The following CDH12 variants were observed in gnomAD, a reference collection of about 807,000 sequenced individuals.
CDH12 encodes cadherin-12.
In CDH12, 41 loss-of-function variants were observed where a neutral mutation model predicts 74.1. The observed-to-expected ratio is 0.55, with a 90% confidence interval of 0.43 to 0.72. The LOEUF (loss-of-function observed/expected upper bound fraction) is 0.72. CDH12 is among the 30% of genes least tolerant of loss of function. CDH12 has a pLI of 0.00. For missense variants in CDH12, 945 were observed against 977.2 expected, an observed-to-expected ratio of 0.97 and a Z score of 0.44; for synonymous variants, 399 against 355.0, an observed-to-expected ratio of 1.12 and a Z score of -1.39.
At position 22,431,179 on chromosome 5, in the gene CDH12, A is replaced by G. The variant is rs77961977; in HGVS notation, c.-427-25828T>C. Among the ~76,000 whole-genome samples, 1,283 of 152,294 alleles carry G rather than the reference A, an allele frequency of 8.4e-3. 14 individuals are homozygous for G. Among genetic ancestry groups the G allele is most frequent in the African/African-American group, 0.03 (1,228 of 41,564 alleles). The stretch of plus-strand genomic sequence containing the variant: ...TTATGATTCTCAATTGACTAGCAGA[A>G]CAATGTATAGGCACACAGCAATCAA... On this transcript the variant is annotated intron_variant, in intron 2 of 14. Coordinates refer to ENST00000382254, the MANE Select transcript of CDH12 (RefSeq NM_004061.5).
intron 5 of CDH12, among the ~76,000 whole-genome samples, chr5:22,032,152 A>G (rs1237377490): frequency 6.6e-6 from 1 of 151,414 alleles, no homozygotes; most frequent in East Asian, 1.9e-4. Context: ...CATATATATG[A>G]CATGCCTGTC....
At chr5:22,415,814 T>C (rs1239876373) in intron 2 of CDH12, among the ~76,000 whole-genome samples, 9 of 152,010 alleles carry the variant, frequency 5.9e-5, no homozygotes, top group Non-Finnish European at 1.2e-4. Flanking sequence ...TCCTAAAACA[T>C]TTGGCATTGG....
chr5:22,832,354 G>A (rs1736653576), intron 1 of CDH12, among the ~76,000 whole-genome samples: 1 of 152,174 alleles, frequency 6.6e-6, no homozygotes, highest in Non-Finnish European at 1.5e-5. Context: ...ATATTGGGAG[G>A]ATGGGAGTAA....
At chr5:22,296,332 C>T (rs929984879) in intron 3 of CDH12, among the ~76,000 whole-genome samples, 1 of 151,944 alleles carries the variant, frequency 6.6e-6, no homozygotes, top group African/African-American at 2.4e-5. Flanking sequence ...AGACCTATTC[C>T]AAAACGTATT....
At chr5:22,825,620 T>C (rs1736281100) in intron 1 of CDH12, among the ~76,000 whole-genome samples, 1 of 152,138 alleles carries the variant, frequency 6.6e-6, no homozygotes, top group Non-Finnish European at 1.5e-5. Context: ...GGAAGATTAG[T>C]AGGGAACTAG....
At chr5:21,840,863 G>A (rs555968747) in intron 8 of CDH12, among the ~76,000 whole-genome samples, 1 of 152,128 alleles carries the variant, frequency 6.6e-6, no homozygotes, top group African/African-American at 2.4e-5. Flanking sequence ...AATTCAAGAT[G>A]GATTAAAGAC....
chr5:22,021,751 G>T, intron 5 of CDH12, among the ~76,000 whole-genome samples: 1 of 152,192 alleles, frequency 6.6e-6, no homozygotes, highest in East Asian at 1.9e-4. Context: ...TATAGATTGT[G>T]TTGGCTTGAT....
chr5:22,833,280 C>G (rs533966079), intron 1 of CDH12, among the ~76,000 whole-genome samples: 1 of 152,186 alleles, frequency 6.6e-6, no homozygotes, highest in Non-Finnish European at 1.5e-5. Context: ...GAGAAGAGTA[C>G]AAAGAAAGTA....
At chr5:21,987,864 G>A (rs956152106) in intron 5 of CDH12, among the ~76,000 whole-genome samples, 3 of 152,042 alleles carry the variant, frequency 2.0e-5, no homozygotes, top group African/African-American at 7.2e-5. Flanking sequence ...TCAATATTCA[G>A]TGCATTGGTT....
At chr5:21,998,523 GTTA>G (rs1322644525) in intron 5 of CDH12, among the ~76,000 whole-genome samples, 1 of 151,962 alleles carries the variant, frequency 6.6e-6, no homozygotes, top group African/African-American at 2.4e-5. Context: ...ATCCTTTTGT[GTTA>G]TTAATAATTA....
chr5:22,154,571 GTA>G lies in CDH12; in HGVS notation c.-187+57925_-187+57926del, dbSNP rs1337812476. The stretch of plus-strand genomic sequence containing the variant: ...TGTGTACACATATATATACACATAT[GTA>G]TATATGTATATGTGTACACATATAT... On this transcript the variant is annotated intron_variant, in intron 4 of 14. Coordinates refer to ENST00000382254, the MANE Select transcript of CDH12 (RefSeq NM_004061.5). 3.4e-5 allele frequency among the ~76,000 whole-genome samples: 5 copies of G among 148,398 alleles called. No homozygotes were observed. The Admixed American group carries it at 3.4e-4, about 10-fold the overall frequency.
chr5:22,149,702 T>A (rs889750382), intron 4 of CDH12, among the ~76,000 whole-genome samples: 2 of 152,138 alleles, frequency 1.3e-5, no homozygotes, highest in Admixed American at 1.3e-4. Flanking sequence ...TTGACTCATG[T>A]TTAAAATATT....
chr5:22,215,071 T>G lies in CDH12; in HGVS notation c.-332-2428A>C, dbSNP rs573755959. ...CTTGCTATGTAGTAAGTGACTGGCA[T>G]GCACTTCAGCTATAGCTATCCATGA... is the stretch of plus-strand genomic sequence containing the variant. On this transcript the variant is annotated intron_variant, in intron 3 of 14. Coordinates refer to ENST00000382254, the MANE Select transcript of CDH12 (RefSeq NM_004061.5). Among the ~76,000 whole-genome samples the G allele has an allele frequency of 2.0e-5, 3 of 152,330 alleles. No individual in the cohort carries two copies. In the South Asian group the frequency reaches 6.2e-4, roughly 32 times the overall value.
chr5:21,827,245 C>G (rs1214697377), intron 8 of CDH12, among the ~76,000 whole-genome samples: 4 of 152,070 alleles, frequency 2.6e-5, no homozygotes, highest in African/African-American at 9.7e-5. Flanking sequence ...TCCATAAGAT[C>G]TTTTAAAATT....
At chr5:21,899,179 A>G (rs1022520777) in intron 6 of CDH12, among the ~76,000 whole-genome samples, 2 of 152,178 alleles carry the variant, frequency 1.3e-5, no homozygotes, top group Admixed American at 6.5e-5. Flanking sequence ...TTCTAGCTAG[A>G]ATTAATTTTC....
intron 3 of CDH12, among the ~76,000 whole-genome samples, chr5:22,299,884 T>TCTTCCTATTCTTCTGCAGAG (rs1737793813): frequency 6.6e-6 from 1 of 152,188 alleles, no homozygotes; most frequent in Admixed American, 6.5e-5. Context: ...TCCTGTCATT[T>TCTTCCTATTCTTCTGCAGAG]TTTCTTCCTA....
At chr5:22,687,024 G>T (rs1261558379) in intron 1 of CDH12, among the ~76,000 whole-genome samples, 1 of 152,164 alleles carries the variant, frequency 6.6e-6, no homozygotes, top group Non-Finnish European at 1.5e-5. Flanking sequence ...GGCCAGGTGC[G>T]GTGGCTCATG....
chr5:21,880,619 CT>C (rs1194230587), intron 6 of CDH12, among the ~76,000 whole-genome samples: 2 of 50,554 alleles, frequency 4.0e-5, no homozygotes, highest in African/African-American at 1.7e-4. Context: ...TTCCTTCCTT[CT>C]TTCTTTCTTT....
intron 1 of CDH12, among the ~76,000 whole-genome samples, chr5:22,676,689 C>G (rs1741208362): frequency 6.6e-6 from 1 of 152,224 alleles, no homozygotes; most frequent in East Asian, 1.9e-4. Flanking sequence ...GCTCCAGACC[C>G]TAGGTGGTAA....
Sources: allele counts gnomAD v4.1 joint callset (sites outside exome capture counted in the v4.1 genomes callset), GRCh38; gene constraint gnomAD v4.1.1; transcripts MANE v1.5; gene names NCBI Gene and HGNC (gene_info 2026-07-23, HGNC 2026-07-21).